The following SHCBP1L variants were observed in gnomAD, a reference collection of about 807,000 sequenced individuals.
SHCBP1L encodes the protein testicular spindle-associated protein SHCBP1L.
SHCBP1L carries 67 observed loss-of-function variants against 62.5 expected under a neutral mutation model. The ratio of observed to expected loss-of-function variants is 1.07; its 90% CI spans 0.88 to 1.31. The LOEUF is 1.31. SHCBP1L is among the 40% of genes most tolerant of loss of function. The probability of loss-of-function intolerance (pLI) is 0.00; values close to 1 mark genes in which losing one functional copy is unlikely to be tolerated. For missense variants in SHCBP1L, 823 were observed against 809.8 expected, an observed-to-expected ratio of 1.02 and a Z score of -0.20; for synonymous variants, 284 against 289.4, an observed-to-expected ratio of 0.98 and a Z score of 0.19.
intron 6 of SHCBP1L, among the ~76,000 whole-genome samples, chr1:182,922,706 G>A (rs545048773): frequency 1.2e-4 from 19 of 152,216 alleles, no homozygotes; most frequent in African/African-American, 4.6e-4. Flanking sequence ...TGAAACTAAT[G>A]AGAACAAGGA....
intron 6 of SHCBP1L, among the ~76,000 whole-genome samples, chr1:182,915,624 ACAAAAGGATATGCATTCTT>A (rs1477278204): frequency 6.6e-6 from 1 of 152,138 alleles, no homozygotes; most frequent in Non-Finnish European, 1.5e-5. Flanking sequence ...CAAGTCCAAC[ACAAAAGGATATGCATTCTT>A]CTGGAATGCA....
Position 182,926,097 on chromosome 1 carries a change from G to A in SHCBP1L, c.1182+3550C>T, listed in dbSNP as rs537513068. On this transcript the variant is annotated intron_variant, in intron 6 of 9. Coordinates refer to ENST00000367547, the MANE Select transcript of SHCBP1L (RefSeq NM_030933.4). ...GTTCTGGTTTTGGGTAATGAAAATG[G>A]TTAGGAACCAGACAGATGTACACAG... Among the ~76,000 whole-genome samples, 39 of 152,258 alleles carry A rather than the reference G, an allele frequency of 2.6e-4. 1 individual carries two copies. In the South Asian group the frequency reaches 8.1e-3, roughly 32 times the overall value.
At chr1:182,946,826 C>A (rs1045984763) in intron 2 of SHCBP1L, among the ~76,000 whole-genome samples, 8 of 152,150 alleles carry the variant, frequency 5.3e-5, no homozygotes, top group Non-Finnish European at 1.2e-4. Context: ...ATTTTTCTAT[C>A]TTCAAGCACA....
chr1:182,900,125 T>G lies in SHCBP1L; in HGVS notation c.1820A>C (p.Glu607Ala), dbSNP rs920134006. 1.8e-5 allele frequency: 29 copies of G among 1,612,502 alleles called. No individual in the cohort carries two copies. The highest frequency in any genetic ancestry group is 1.7e-4 in the Middle Eastern group (1 of 6,046). Residue 607 changes from glutamate (E) to alanine (A), a missense_variant, in exon 10 of 10, where the codon GAA becomes GCA. Glu to Ala is a moderately radical substitution (Grantham distance 107). Coordinates refer to ENST00000367547, the MANE Select transcript of SHCBP1L (RefSeq NM_030933.4). ...PMEQFFIVAE[E>A]ALNKRASSGD... ...TGAAGAAGCCCTTTTGTTGAGAGCT[T>G]CTTCTGCTACGATAAAAAACTGTTC... is the stretch of plus-strand genomic sequence containing the variant.
intron 6 of SHCBP1L, among the ~76,000 whole-genome samples, chr1:182,919,400 C>A (rs1650452550): frequency 6.6e-6 from 1 of 152,188 alleles, no homozygotes; most frequent in African/African-American, 2.4e-5. Flanking sequence ...GCAGAACCAG[C>A]TCCCATAATT....
At chr1:182,921,865 G>A (rs1006172605) in intron 6 of SHCBP1L, among the ~76,000 whole-genome samples, 1 of 152,166 alleles carries the variant, frequency 6.6e-6, no homozygotes, top group Non-Finnish European at 1.5e-5. Flanking sequence ...TCCAGCCTAG[G>A]CGACAGAGCA....
At chr1:182,951,530 GTTTT>G (rs368158689) in intron 1 of SHCBP1L, 63 bp from the exon 2 acceptor site, 4 of 831,088 alleles carry the variant, frequency 4.8e-6, no homozygotes, top group African/African-American at 1.9e-5. Context: ...AAACTAAGTG[GTTTT>G]TTTTTTTTTT....
chr1:182,946,800 G>C (rs1651581922), intron 2 of SHCBP1L, among the ~76,000 whole-genome samples: 1 of 152,076 alleles, frequency 6.6e-6, no homozygotes, highest in Non-Finnish European at 1.5e-5. Context: ...TATGGTGTTA[G>C]GATTTGATAA....
chr1:182,919,002 A>G (rs2101931219), intron 6 of SHCBP1L, among the ~76,000 whole-genome samples: 1 of 152,344 alleles, frequency 6.6e-6, no homozygotes, highest in East Asian at 1.9e-4. Flanking sequence ...TTAACTCAAA[A>G]TTGATTAACA....
rs1202582401 is a variant in SHCBP1L, at chr1:182,929,640, TTC to T, written c.1182+5_1182+6del. On this transcript the variant is annotated splice_donor_5th_base_variant and intron_variant, in intron 6 of 9. Transcript: ENST00000367547. Reference sequence around the variant, plus strand: ...TAAATAACAAATAAGAATAGTTTATTTCTTACCATTTCAGTAGTCATCATTTT... The same window carrying T: ...TAAATAACAAATAAGAATAGTTTATTTTACCATTTCAGTAGTCATCATTTT... 1 of 1,511,256 alleles carries T rather than the reference TTC, an allele frequency of 6.6e-7. No individual in the cohort carries two copies. Among genetic ancestry groups the T allele is most frequent in the East Asian group, 2.3e-5 (1 of 43,046 alleles). The allele number at this position is 1,511,256 out of a possible 1,614,324, so 93.6% of individuals were successfully genotyped here.
rs1241383621 is a variant in SHCBP1L, at chr1:182,924,908, A to AG, written c.1182+4738dup. Among the ~76,000 whole-genome samples, 275 of 139,402 alleles carry AG rather than the reference A, an allele frequency of 2.0e-3. 3 individuals are homozygous for AG. The highest frequency in any genetic ancestry group is 4.5e-3 in the African/African-American group (161 of 35,920). The allele number at this position is 139,402 out of a possible 152,430, so 91.5% of individuals were successfully genotyped here. ...GGGAAAGACAAAGAGAGAGAGAGAA[A>AG]GAAAGGAAAGGAAGGAAGGAAGGAA... On this transcript the variant is annotated intron_variant, in intron 6 of 9. Transcript: ENST00000367547.
chr1:182,930,870 C>T (rs1259761538), intron 5 of SHCBP1L, among the ~76,000 whole-genome samples: 1 of 143,416 alleles, frequency 7.0e-6, no homozygotes, highest in South Asian at 2.3e-4. Flanking sequence ...GGACTACAGG[C>T]ATGTGCCACC....
At chr1:182,918,459 A>G (rs1204664321) in intron 6 of SHCBP1L, among the ~76,000 whole-genome samples, 2 of 152,102 alleles carry the variant, frequency 1.3e-5, no homozygotes, top group Non-Finnish European at 2.9e-5. Context: ...AAGGAGGTGA[A>G]GGACTTGTAT....
chr1:182,943,276 T>TA (rs1491123347), intron 2 of SHCBP1L, among the ~76,000 whole-genome samples: 2 of 107,560 alleles, frequency 1.9e-5, no homozygotes, highest in African/African-American at 8.0e-5. Context: ...CCATTCTTGA[T>TA]TTTTTTTTTT....
chr1:182,949,051 A>G (rs532511411), intron 2 of SHCBP1L, among the ~76,000 whole-genome samples: 19 of 152,332 alleles, frequency 1.2e-4, no homozygotes, highest in African/African-American at 4.3e-4. Flanking sequence ...TAAATAATCA[A>G]TGTATTGCAG....
At chr1:182,903,827 G>A (rs908952794) in intron 8 of SHCBP1L, among the ~76,000 whole-genome samples, 1 of 152,114 alleles carries the variant, frequency 6.6e-6, no homozygotes. Flanking sequence ...TTCAGAAGCT[G>A]TTAGAACTAA....
chr1:182,924,788 G>GAAAGAAAGAAAGAAAGAAAGAA (rs1414052337), intron 6 of SHCBP1L, among the ~76,000 whole-genome samples: 11 of 93,038 alleles, frequency 1.2e-4, no homozygotes, highest in Admixed American at 5.4e-4. Context: ...AAGAAAGAAA[G>GAAAGAAAGAAAGAAAGAAAGAA]AGAGAAAGAA....
chr1:182,931,475 A>G (rs1571350971), intron 5 of SHCBP1L, among the ~76,000 whole-genome samples: 1 of 152,314 alleles, frequency 6.6e-6, no homozygotes. Context: ...TAACTCAATC[A>G]CAATAATAAA....
At chr1:182,928,122 A>C (rs1012091127) in intron 6 of SHCBP1L, among the ~76,000 whole-genome samples, 3 of 152,200 alleles carry the variant, frequency 2.0e-5, no homozygotes, top group Admixed American at 1.3e-4. Context: ...TGTTGAAAAG[A>C]ATAAAAATTG....
Sources: gnomAD v4.1 joint callset for allele counts (sites outside exome capture counted in the v4.1 genomes callset) on GRCh38, gnomAD v4.1.1 for gene constraint, MANE v1.5 for transcripts, NCBI Gene and HGNC (gene_info 2026-07-23, HGNC 2026-07-21) for gene names.